DHRS7C: variants seen among roughly 807,000 people sequenced by gnomAD.
DHRS7C encodes dehydrogenase/reductase SDR family member 7C.
A neutral mutation model predicts 29.6 loss-of-function variants in DHRS7C; 28 were observed. That is an observed-to-expected ratio of 0.95 (90% CI 0.70 to 1.30). The LOEUF is 1.30. DHRS7C is among the 50% of genes most tolerant of loss of function. The pLI is 0.00. For missense variants in DHRS7C, 403 were observed against 393.3 expected (o/e 1.02, Z -0.21); for synonymous variants, 158 against 160.2 (o/e 0.99, Z 0.10).
In DHRS7C at chr17:9,779,926, T is replaced by C. The variant is rs1483708398; in HGVS notation, c.377A>G (p.Asn126Ser). 6 of 1,613,924 alleles carry C rather than the reference T, an allele frequency of 3.7e-6. No homozygotes were observed. The highest frequency in any genetic ancestry group is 5.1e-6 in the Non-Finnish European group (6 of 1,179,868). The change falls in exon 3 of 6, where the codon AAT (asparagine) becomes AGT (serine). Residue 126 changes from asparagine to serine, a missense_variant. Asn to Ser is a conservative substitution (Grantham distance 46). Transcript: ENST00000571134. The stretch of plus-strand genomic sequence containing the variant: ...AGGCCCCTTCACCTTCACACTGGCA[T>C]TGTTGATGAGGATGTCCACACAGCC... ...CYGCVDILIN[N>S]ASVKVKGPAH...
intron 1 of DHRS7C, among the ~76,000 whole-genome samples, chr17:9,784,434 T>A (rs2066411252): frequency 6.6e-6 from 1 of 152,060 alleles, no homozygotes; most frequent in Non-Finnish European, 1.5e-5. Flanking sequence ...ATTGCGCCAC[T>A]GCACTCCAGC....
At chr17:9,773,100 A>G (rs568103431) in intron 4 of DHRS7C, among the ~76,000 whole-genome samples, 178 bp from the exon 5 acceptor site, 2 of 152,256 alleles carry the variant, frequency 1.3e-5, no homozygotes, top group East Asian at 3.9e-4. Flanking sequence ...GGAGTGGTGG[A>G]CATAGAGCTG....
chr17:9,779,988 A>C lies in DHRS7C; in HGVS notation c.315T>G (p.Cys105Trp). 6.2e-7 allele frequency: 1 copy of C among 1,613,968 alleles called. No individual in the cohort carries two copies. The change falls in exon 3 of 6, where the codon TGT (cysteine) becomes TGG (tryptophan). Residue 105 changes from cysteine (C) to tryptophan (W), a missense_variant. Physicochemically the swap from Cys to Trp is radical, Grantham distance 215 (BLOSUM62 -2). Coordinates refer to ENST00000571134, the MANE Select transcript of DHRS7C (RefSeq NM_001105571.3). ...LVLLDLSDIS[C>W]VPDVAKEVLD... ...GGACTTCTTTTGCCACATCTGGGAC[A>C]CAGCTGATGTCTGAGAGGTCCAACA...
Position 9,781,586 on chromosome 17 carries a change from G to T in DHRS7C, c.163C>A (p.Arg55=), listed in dbSNP as rs765311049. 11 of 1,613,586 alleles carry T rather than the reference G, an allele frequency of 6.8e-6. No individual in the cohort carries two copies. Among genetic ancestry groups the T allele is most frequent in the African/African-American group, 2.7e-5 (2 of 74,918 alleles). Residue 55 remains arginine, a synonymous_variant, in exon 2 of 6, where the codon CGG becomes AGG. Transcript: ENST00000571134. The stretch of plus-strand genomic sequence containing the variant: ...CTTGCCCCACCTGTGTGGAACACCC[G>T]AGCACACTCTGTGGGGAAGAAGGAA... ...AISGLGKECA[R]VFHTGGARLV...
chr17:9,779,567 A>C (rs1375134254), intron 3 of DHRS7C, among the ~76,000 whole-genome samples: 2 of 152,198 alleles, frequency 1.3e-5, no homozygotes, highest in Non-Finnish European at 2.9e-5. Flanking sequence ...AGAGAGAAGT[A>C]AAAGGGCAAA....
At chr17:9,780,817 A>G (rs1231843060) in intron 2 of DHRS7C, among the ~76,000 whole-genome samples, 6 of 152,248 alleles carry the variant, frequency 3.9e-5, no homozygotes, top group Non-Finnish European at 7.3e-5. Flanking sequence ...AGCTTAACTC[A>G]GTGTTTCTCA....
chr17:9,789,827 T>C (rs554409367), intron 1 of DHRS7C, among the ~76,000 whole-genome samples: 14 of 152,322 alleles, frequency 9.2e-5, no homozygotes, highest in African/African-American at 2.9e-4. Context: ...TGTTGTCTTT[T>C]GTCTGGTCTG....
chr17:9,786,050 CG>C (rs1245251485), intron 1 of DHRS7C, among the ~76,000 whole-genome samples: 4 of 151,812 alleles, frequency 2.6e-5, no homozygotes, highest in African/African-American at 9.7e-5. Context: ...AGGCCGGGTG[CG>C]GTGGCTCACG....
intron 1 of DHRS7C, among the ~76,000 whole-genome samples, chr17:9,790,874 C>T (rs897239712): frequency 3.3e-5 from 5 of 152,242 alleles, no homozygotes; most frequent in Non-Finnish European, 7.3e-5. Flanking sequence ...AAACAAATCA[C>T]ATCTGCAGAC....
intron 1 of DHRS7C, among the ~76,000 whole-genome samples, chr17:9,788,636 A>T (rs533874992): frequency 4.6e-5 from 7 of 152,178 alleles, no homozygotes; most frequent in African/African-American, 1.7e-4. Context: ...TTCCCTAGTA[A>T]ACAACTTGGT....
At chr17:9,778,455 C>T (rs965844878) in intron 3 of DHRS7C, among the ~76,000 whole-genome samples, 1 of 151,740 alleles carries the variant, frequency 6.6e-6, no homozygotes, top group Non-Finnish European at 1.5e-5. Flanking sequence ...GGAAGTCCGG[C>T]GCTAGGGACT....
At chr17:9,779,757 C>T in intron 3 of DHRS7C, 68 bp downstream of exon 3, 2 of 1,482,764 alleles carry the variant, frequency 1.3e-6, no homozygotes, top group Non-Finnish European at 1.8e-6. Context: ...GACTGTCTGG[C>T]TAATTAACAG....
intron 1 of DHRS7C, among the ~76,000 whole-genome samples, chr17:9,790,832 T>C (rs913629341): frequency 6.6e-6 from 1 of 152,154 alleles, no homozygotes; most frequent in Non-Finnish European, 1.5e-5. Flanking sequence ...AGGCTTTGAA[T>C]TTTCAAAATT....
intron 2 of DHRS7C, among the ~76,000 whole-genome samples, chr17:9,781,029 C>G (rs989246452): frequency 6.6e-6 from 1 of 152,224 alleles, no homozygotes; most frequent in Non-Finnish European, 1.5e-5. Flanking sequence ...AGACAGTCCC[C>G]TGACCAGTGC....
chr17:9,789,413 G>T (rs1444166766), intron 1 of DHRS7C, among the ~76,000 whole-genome samples: 7 of 152,126 alleles, frequency 4.6e-5, no homozygotes, highest in Non-Finnish European at 1.0e-4. Flanking sequence ...ACTTTTAGAG[G>T]TTATTCATTA....
At position 9,777,230 on chromosome 17, in the gene DHRS7C, A is replaced by T. The variant is rs1663880179; in HGVS notation, c.534T>A (p.Asn178Lys). ...ACGGGATTCCAAACTTCCCTTGGAT[A>T]TTATTCACTAACACGATTTGGCCTG... Reference protein sequence around the residue: ...RRTGQIVLVNNIQGKFGIPFR... With the variant: ...RRTGQIVLVNKIQGKFGIPFR... The change falls in exon 4 of 6, where the codon AAT (asparagine) becomes AAA (lysine). Residue 178 changes from asparagine (N) to lysine (K), a missense_variant. By Grantham distance (94) the Asn-to-Lys change is moderately conservative. Transcript: ENST00000571134. The T allele has an allele frequency of 6.2e-7, 1 of 1,613,728 alleles. No homozygotes were observed. The highest frequency in any genetic ancestry group is 1.3e-5 in the African/African-American group (1 of 74,920).
chr17:9,778,038 AC>A (rs1336885147), intron 3 of DHRS7C, among the ~76,000 whole-genome samples: 1 of 152,196 alleles, frequency 6.6e-6, no homozygotes, highest in Non-Finnish European at 1.5e-5. Flanking sequence ...AAATGAAAAG[AC>A]AATACTCAAA....
In DHRS7C at chr17:9,772,816, C is replaced by T. The variant is rs772980771; in HGVS notation, c.678G>A (p.Ser226=). ...ISTVSPTFIR[S]YHVYPEQGNW... is the part of the protein sequence containing the mutation. ...TTCCTTGCTCTGGATACACGTGGTA[C>T]GACCGGATGAAAGTCGGGCTCACGG... Residue 226 remains serine, a synonymous_variant, in exon 5 of 6, where the codon TCG becomes TCA. Coordinates refer to ENST00000571134, the MANE Select transcript of DHRS7C (RefSeq NM_001105571.3). 1.2e-6 allele frequency: 2 copies of T among 1,613,966 alleles called. No homozygotes were observed. Among genetic ancestry groups the T allele is most frequent in the Admixed American group, 1.7e-5 (1 of 60,022 alleles).
rs1390876195 is a variant in DHRS7C, at chr17:9,791,208, AC to A, written c.76del (p.Val26CysfsTer16). 8.1e-6 allele frequency: 13 copies of A among 1,613,548 alleles called. No individual in the cohort carries two copies. In the East Asian group the frequency reaches 2.9e-4, roughly 36 times the overall value. Reference protein sequence around the residue: ...ISGLLFIYQEVSRLWSKSAVQ... With the variant: ...ISGLLFIYQEXSRLWSKSAVQ... ...AGCTGACTTTGACCACAGCCTGGAC[AC>A]CTCTTGGTAAATGAAGAGGAGGCCG... On this transcript the variant is annotated frameshift_variant, in exon 1 of 6. Transcript: ENST00000571134. LOFTEE classifies it high-confidence loss of function.
Sources: gnomAD v4.1 joint callset for allele counts (sites outside exome capture counted in the v4.1 genomes callset) on GRCh38, gnomAD v4.1.1 for gene constraint, MANE v1.5 for transcripts, NCBI Gene and HGNC (gene_info 2026-07-23, HGNC 2026-07-21) for gene names.